The following PATJ variants were observed in gnomAD, a reference collection of about 807,000 sequenced individuals.
The protein encoded by PATJ is inaD-like protein.
Under a neutral mutation model 224.9 loss-of-function variants are expected in PATJ, and 190 were observed. The ratio of observed to expected loss-of-function variants is 0.84; its 90% confidence interval spans 0.75 to 0.95. PATJ has a LOEUF of 0.95. Among genes scored for constraint, PATJ ranks in the 40% least tolerant of loss-of-function variants. The pLI is 0.00. For missense variants in PATJ, 2,121 were observed against 2,270.3 expected, an observed-to-expected ratio of 0.93 and a Z score of 1.34; for synonymous variants, 769 against 820.3, an observed-to-expected ratio of 0.94 and a Z score of 1.07.
intron 30 of PATJ, 64 bp from the exon 31 acceptor site, chr1:62,050,902 T>C: frequency 8.4e-7 from 1 of 1,195,850 alleles, no homozygotes. Flanking sequence ...TGAGTATCTG[T>C]ACAATTCGAG....
At chr1:62,008,421 G>C (rs1442695093) in intron 28 of PATJ, among the ~76,000 whole-genome samples, 1 of 152,192 alleles carries the variant, frequency 6.6e-6, no homozygotes, top group Non-Finnish European at 1.5e-5. Context: ...CCATAGTCAT[G>C]GCTTGATGAA....
chr1:62,036,239 T>C (rs1464160967), intron 29 of PATJ, among the ~76,000 whole-genome samples: 1 of 152,192 alleles, frequency 6.6e-6, no homozygotes, highest in Non-Finnish European at 1.5e-5. Flanking sequence ...GGGTTGCTCT[T>C]ACATGCCGGT....
At chr1:62,039,000 A>C (rs1320621966) in intron 30 of PATJ, 1 of 1,345,170 alleles carries the variant, frequency 7.4e-7, no homozygotes, top group Non-Finnish European at 1.1e-6. Flanking sequence ...CAGCTGAGCT[A>C]ACCTCTGACC....
At position 62,094,244 on chromosome 1, in the gene PATJ, A is replaced by C. The variant is rs559232068; in HGVS notation, c.4377+9596A>C. 5.3e-5 allele frequency among the ~76,000 whole-genome samples: 8 copies of C among 152,132 alleles called. No individual in the cohort carries two copies. The South Asian group carries it at 1.0e-3, about 20-fold the overall frequency. On this transcript the variant is annotated intron_variant, in intron 33 of 43. Transcript: ENST00000642238. ...ACCCTGTCTCTACAAAAAATTAAAA[A>C]TTATCCAGGTGTGGTGGTGTGTGCC...
At chr1:62,136,465 C>A (rs535620702) in intron 41 of PATJ, among the ~76,000 whole-genome samples, 1 of 151,440 alleles carries the variant, frequency 6.6e-6, no homozygotes, top group Admixed American at 6.6e-5. Flanking sequence ...AAAGGCCAGG[C>A]ATGGGCTTTT....
intron 27 of PATJ, among the ~76,000 whole-genome samples, chr1:61,931,012 T>A (rs567050680): frequency 6.9e-4 from 105 of 152,238 alleles, no homozygotes; most frequent in Non-Finnish European, 1.2e-3. Flanking sequence ...CTAATTTTTT[T>A]ATTTTTTTTG....
At chr1:61,839,047 G>A (rs957559945) in intron 17 of PATJ, among the ~76,000 whole-genome samples, 2 of 152,102 alleles carry the variant, frequency 1.3e-5, no homozygotes, top group Non-Finnish European at 2.9e-5. Flanking sequence ...TAAGTAATTA[G>A]TCCAATTCAT....
Position 61,833,756 on chromosome 1 carries a change from G to C in PATJ, c.2083G>C (p.Gly695Arg), listed in dbSNP as rs1659722888. The change falls in exon 17 of 44, where the codon GGT becomes CGT. Residue 695 changes from glycine to arginine, a missense_variant. Physicochemically the swap from Gly to Arg is moderately radical, Grantham distance 125 (BLOSUM62 -2). Transcript: ENST00000642238. ...KIVELVKDCK[G>R]LGFSILDYQD... ...TGTTGAACTAGTAAAAGATTGTAAA[G>C]GTTTGGGATTCAGCATTTTGGATTA... 8 of 1,613,428 alleles carry C rather than the reference G, an allele frequency of 5.0e-6. No homozygotes were observed. The highest frequency in any genetic ancestry group is 6.8e-6 in the Non-Finnish European group (8 of 1,179,650).
intron 27 of PATJ, among the ~76,000 whole-genome samples, chr1:61,949,894 T>C (rs1030109102): frequency 1.3e-5 from 2 of 151,266 alleles, no homozygotes; most frequent in African/African-American, 4.9e-5. Context: ...AGAGCGAGAC[T>C]CTGTCTCAAA....
chr1:61,766,905 C>A (rs1262931359), intron 4 of PATJ, among the ~76,000 whole-genome samples: 1 of 152,024 alleles, frequency 6.6e-6, no homozygotes, highest in Non-Finnish European at 1.5e-5. Context: ...CTAGCCCGAC[C>A]AACATGGCAA....
chr1:61,845,665 A>G (rs1162635532), intron 17 of PATJ, among the ~76,000 whole-genome samples: 2 of 152,110 alleles, frequency 1.3e-5, no homozygotes, highest in African/African-American at 4.8e-5. Context: ...ATTTCTACAT[A>G]TTGTGTGCTG....
At chr1:61,976,787 T>A (rs1349933165) in intron 27 of PATJ, among the ~76,000 whole-genome samples, 2 of 151,992 alleles carry the variant, frequency 1.3e-5, no homozygotes, top group Non-Finnish European at 2.9e-5. Context: ...TCCCATATGT[T>A]CTCCCAGGTT....
chr1:61,862,279 C>A (rs1664736611), intron 19 of PATJ, among the ~76,000 whole-genome samples: 1 of 149,102 alleles, frequency 6.7e-6, no homozygotes, highest in African/African-American at 2.5e-5. Context: ...TCACTGCAAC[C>A]TTTGCCTCCC....
chr1:61,942,196 G>C (rs151147406), intron 27 of PATJ, among the ~76,000 whole-genome samples: 2 of 151,998 alleles, frequency 1.3e-5, no homozygotes, highest in Admixed American at 1.3e-4. Flanking sequence ...TGAGAGAGGA[G>C]GTTTGAGAAA....
intron 35 of PATJ, among the ~76,000 whole-genome samples, chr1:62,115,279 C>T (rs1306787673): frequency 6.6e-6 from 1 of 151,970 alleles, no homozygotes; most frequent in Non-Finnish European, 1.5e-5. Context: ...CATTGCATTC[C>T]AGCCTGTGCA....
At chr1:61,757,819 T>G (rs925466176) in intron 1 of PATJ, among the ~76,000 whole-genome samples, 2 of 152,310 alleles carry the variant, frequency 1.3e-5, no homozygotes, top group East Asian at 1.9e-4. Context: ...ACTATCTTTC[T>G]AAATCTCTTT....
chr1:61,809,257 A>G (rs1654202153), intron 14 of PATJ, among the ~76,000 whole-genome samples: 2 of 152,234 alleles, frequency 1.3e-5, no homozygotes, highest in African/African-American at 4.8e-5. Flanking sequence ...GGCCTCCTCA[A>G]CAATTGATAA....
chr1:62,077,688 A>AAAAG (rs200440917), intron 31 of PATJ, among the ~76,000 whole-genome samples: 14 of 141,716 alleles, frequency 9.9e-5, no homozygotes, highest in Non-Finnish European at 7.9e-5. Context: ...ACCCTGTCCA[A>AAAAG]AAAAAAAAAA....
intron 29 of PATJ, among the ~76,000 whole-genome samples, chr1:62,031,595 A>G (rs1649307119): frequency 6.6e-6 from 1 of 152,166 alleles, no homozygotes; most frequent in Admixed American, 6.5e-5. Flanking sequence ...AATCGCCTGG[A>G]CTCACCTAGG....
Sources: allele counts gnomAD v4.1 joint callset (sites outside exome capture counted in the v4.1 genomes callset), GRCh38; gene constraint gnomAD v4.1.1; transcripts MANE v1.5; gene names NCBI Gene and HGNC (gene_info 2026-07-23, HGNC 2026-07-21).